Variants in VWA5B2 observed in about 807,000 individuals in gnomAD.
VWA5B2 encodes the protein von Willebrand factor A domain containing 5B2, also known as von Willebrand factor A domain-containing protein 5B2.
A neutral mutation model predicts 118.5 loss-of-function variants in VWA5B2; 93 were observed. That is an observed-to-expected ratio of 0.79 (90% CI 0.66 to 0.93). The LOEUF is 0.93. VWA5B2 is among the 40% of genes least tolerant of loss of function. The pLI is 0.00. For synonymous variants in VWA5B2, 708 were observed against 716.3 expected, an observed-to-expected ratio of 0.99 and a Z score of 0.19; for missense variants, 1,546 against 1,672.8, an observed-to-expected ratio of 0.92 and a Z score of 1.32.
In VWA5B2 at chr3:184,233,692, TCTC is replaced by T. The variant is rs2108420467; in HGVS notation, c.650_652del (p.Ser217del). On this transcript the variant is annotated inframe_deletion, in exon 5 of 20. Coordinates refer to ENST00000691901, the MANE Select transcript of VWA5B2 (RefSeq NM_001390846.1). The surrounding 1 kb of genome is among the most constrained non-coding windows in gnomAD (Gnocchi z 5.2). ...GCCCGCTGCCCTGCCCCATATACCT[TCTC>T]CTTCGAGATGCTGGTGACTGGGCCA... 1 of 1,551,120 alleles carries T rather than the reference TCTC, an allele frequency of 6.4e-7. No homozygotes were observed. The highest frequency in any genetic ancestry group is 1.2e-5 in the South Asian group (1 of 84,030).
chr3:184,230,584 G>A lies in VWA5B2; in HGVS notation c.56G>A (p.Trp19Ter). Residue 19 changes from tryptophan to a stop codon, truncating the protein, a stop_gained, in exon 2 of 20, where the codon TGG (tryptophan) becomes TAG (stop). Coordinates refer to ENST00000691901, the MANE Select transcript of VWA5B2 (RefSeq NM_001390846.1). LOFTEE classifies it high-confidence loss of function. The stretch of plus-strand genomic sequence containing the variant: ...ACGCCGCTGCCGCTCACGGACTCCT[G>A]GGTCCGGGCCTGCGCCAACGGCCCC... ...SWTPLPLTDS[W>*]VRACANGPCL... The A allele has an allele frequency of 1.4e-6, 2 of 1,477,412 alleles. No homozygotes were observed. The highest frequency in any genetic ancestry group is 1.8e-6 in the Non-Finnish European group (2 of 1,122,186). The allele number at this position is 1,477,412 out of a possible 1,614,324, so 91.5% of individuals were successfully genotyped here. A position where few individuals can be genotyped will look rare whatever the true frequency, so the allele number is the denominator to read the frequency against.
chr3:184,239,827 G>C lies in VWA5B2; in HGVS notation c.2531G>C (p.Arg844Pro). The change falls in exon 16 of 20, where the codon CGG (arginine) becomes CCG (proline). Residue 844 changes from arginine to proline, a missense_variant. Physicochemically the swap from Arg to Pro is moderately radical, Grantham distance 103. This residue lies in a region of VWA5B2 where 763 missense variants were observed against 766.6 expected (regional missense o/e 1.00). Transcript: ENST00000691901. The surrounding 1 kb of genome is among the most constrained non-coding windows in gnomAD (Gnocchi z 5.1). ...GCTCCACGCTGCCATGTGGTGATCCGGGGCCTGTGTGGGGAGCAGCCCATG... is the reference window on the plus strand; with the variant it reads ...GCTCCACGCTGCCATGTGGTGATCCCGGGCCTGTGTGGGGAGCAGCCCATG... ...PQAPRCHVVI[R>P]GLCGEQPMCW... 6.4e-7 allele frequency: 1 copy of C among 1,551,318 alleles called. No individual in the cohort carries two copies. Among genetic ancestry groups the C allele is most frequent in the Non-Finnish European group, 8.7e-7 (1 of 1,146,744 alleles).
Position 184,241,423 on chromosome 3 carries a change from GA to G in VWA5B2, c.3180+20del. 1 of 1,576,420 alleles carries G rather than the reference GA, an allele frequency of 6.3e-7. No homozygotes were observed. The highest frequency in any genetic ancestry group is 8.6e-7 in the Non-Finnish European group (1 of 1,160,040). Reference sequence around the variant, plus strand: ...GCCCTTGGTGAGGACTCGGGAGGTGGAGGGTGGTGCCGCCGGGGCCGGGCGC... The same window carrying G: ...GCCCTTGGTGAGGACTCGGGAGGTGGGGGTGGTGCCGCCGGGGCCGGGCGC... On this transcript the variant is annotated intron_variant, in intron 19 of 19. Transcript: ENST00000691901. This position sits in a 1 kb window ranked among gnomAD's most constrained non-coding sequence, Gnocchi z 5.1.
rs758247714 is a variant in VWA5B2 at position 184,239,595 on chromosome 3, A to C, written c.2392+12A>C. On this transcript the variant is annotated intron_variant, in intron 15 of 19. Transcript: ENST00000691901. The surrounding 1 kb of genome is among the most constrained non-coding windows in gnomAD (Gnocchi z 5.1). ...CCTGGATGACTCAGGTAAGTGTTGG[A>C]TGGGGAGCTGGTTTCCCTGACACCA... 3 of 1,501,474 alleles carry C rather than the reference A, an allele frequency of 2.0e-6. No individual in the cohort carries two copies. The highest frequency in any genetic ancestry group is 2.7e-6 in the Non-Finnish European group (3 of 1,116,484). 93.0% of individuals were successfully genotyped at this position (1,501,474 alleles called of 1,614,324 possible).
Position 184,242,238 on chromosome 3 carries a change from C to T in VWA5B2, c.*200C>T. Reference sequence around the variant, plus strand: ...TCTCCCTCTCCTCCCACCCCACTCACACTCCCCTCCATCCTCTGAGCTCCC... The same window carrying T: ...TCTCCCTCTCCTCCCACCCCACTCATACTCCCCTCCATCCTCTGAGCTCCC... On this transcript the variant is annotated 3_prime_UTR_variant, in exon 20 of 20. Coordinates refer to ENST00000691901, the MANE Select transcript of VWA5B2 (RefSeq NM_001390846.1). 1 of 750,074 alleles carries T rather than the reference C, an allele frequency of 1.3e-6. No individual in the cohort carries two copies. The highest frequency in any genetic ancestry group is 1.7e-5 in the South Asian group (1 of 57,830). The allele number at this position is 750,074 out of a possible 1,614,324, so 46.5% of individuals were successfully genotyped here. A position where few individuals can be genotyped will look rare whatever the true frequency, so the allele number is the denominator to read the frequency against.
In VWA5B2 at chr3:184,237,337, C is replaced by T. The variant is rs1373137505; in HGVS notation, c.1645C>T (p.Leu549Phe). Reference protein sequence around the residue: ...ALLTPREIPALYPGDQLLGYC... With the variant: ...ALLTPREIPAFYPGDQLLGYC... ...GCTGACCCCCCGGGAGATCCCAGCACTCTACCCTGGGGACCAGCTGCTCGG... is the reference window on the plus strand; with the variant it reads ...GCTGACCCCCCGGGAGATCCCAGCATTCTACCCTGGGGACCAGCTGCTCGG... Residue 549 changes from leucine (L) to phenylalanine (F), a missense_variant, in exon 12 of 20, where the codon CTC becomes TTC. Coordinates refer to ENST00000691901, the MANE Select transcript of VWA5B2 (RefSeq NM_001390846.1). This position sits in a 1 kb window ranked among gnomAD's most constrained non-coding sequence, Gnocchi z 5.6. 2 of 1,551,406 alleles carry T rather than the reference C, an allele frequency of 1.3e-6. No individual in the cohort carries two copies. The highest frequency in any genetic ancestry group is 2.0e-5 in the Admixed American group (1 of 50,992).
In VWA5B2 at chr3:184,242,152, A is replaced by T; in HGVS notation, c.*114A>T. 7.7e-7 allele frequency: 1 copy of T among 1,299,494 alleles called. No individual in the cohort carries two copies. The highest frequency in any genetic ancestry group is 1.0e-6 in the Non-Finnish European group (1 of 952,626). The allele number at this position is 1,299,494 out of a possible 1,614,324, so 80.5% of individuals were successfully genotyped here. Reference sequence around the variant, plus strand: ...GTAGGCTGGTGCCAGCCTGTCCCCCACTGCTTCTTACTCCCTCCCTAGAGC... The same window carrying T: ...GTAGGCTGGTGCCAGCCTGTCCCCCTCTGCTTCTTACTCCCTCCCTAGAGC... On this transcript the variant is annotated 3_prime_UTR_variant, in exon 20 of 20. Coordinates refer to ENST00000691901, the MANE Select transcript of VWA5B2 (RefSeq NM_001390846.1).
Position 184,238,946 on chromosome 3 carries a change from T to C in VWA5B2, c.2202+73T>C, listed in dbSNP as rs903294038. The C allele has an allele frequency of 5.1e-5, 70 of 1,378,368 alleles. No homozygotes were observed. The highest frequency in any genetic ancestry group is 7.7e-6 in the Non-Finnish European group (8 of 1,035,286). The allele number at this position is 1,378,368 out of a possible 1,614,324, so 85.4% of individuals were successfully genotyped here. On this transcript the variant is annotated intron_variant, in intron 14 of 19. Transcript: ENST00000691901. The surrounding 1 kb of genome is among the most constrained non-coding windows in gnomAD (Gnocchi z 5.0). ...TTTACCACCTGCTGTGCACCAGATA[T>C]TATGTAGAGTTTACTATTAAGTCTA...
chr3:184,231,866 C>T (rs1465378776), intron 3 of VWA5B2, among the ~76,000 whole-genome samples: 3 of 152,150 alleles, frequency 2.0e-5, no homozygotes, highest in African/African-American at 7.2e-5. Context: ...ACGTTAGGGG[C>T]TTGTGGTTAG....
At chr3:184,235,056 A>C in intron 7 of VWA5B2, 97 bp from the exon 8 acceptor site, 1 of 1,410,870 alleles carries the variant, frequency 7.1e-7, no homozygotes, top group Non-Finnish European at 9.6e-7. Flanking sequence ...CTCTGGGTGG[A>C]TCAGACAGAA....
At position 184,230,381 on chromosome 3, in the gene VWA5B2, A is replaced by C; in HGVS notation, c.-148A>C. 1.0e-6 allele frequency: 1 copy of C among 969,960 alleles called. No individual in the cohort carries two copies. The highest frequency in any genetic ancestry group is 1.4e-6 in the Non-Finnish European group (1 of 729,278). The allele number at this position is 969,960 out of a possible 1,614,324, so 60.1% of individuals were successfully genotyped here. ...TCCCCCGCCACCTGTCGCCCTCAGGAGCTCCCGCTCGGCCTCGCGCCCCGG... is the reference window on the plus strand; with the variant it reads ...TCCCCCGCCACCTGTCGCCCTCAGGCGCTCCCGCTCGGCCTCGCGCCCCGG... On this transcript the variant is annotated splice_region_variant and 5_prime_UTR_variant, in exon 2 of 20. Coordinates refer to ENST00000691901, the MANE Select transcript of VWA5B2 (RefSeq NM_001390846.1).
chr3:184,229,704 G>A lies in VWA5B2; in HGVS notation c.-159G>A, dbSNP rs1717174416. Among the ~76,000 whole-genome samples the A allele has an allele frequency of 6.6e-6, 1 of 152,126 alleles. No individual in the cohort carries two copies. The highest frequency in any genetic ancestry group is 2.4e-5 in the African/African-American group (1 of 41,440). On this transcript the variant is annotated 5_prime_UTR_variant, in exon 1 of 20. Transcript: ENST00000691901. ...CCGTGGGCACCTAGAACTCCGCGGA[G>A]GGCGCGACGGTGAGGCTGAGACTGC...
intron 6 of VWA5B2, 88 bp from the exon 7 acceptor site, chr3:184,234,543 C>A (rs865856952): frequency 5.7e-5 from 86 of 1,521,558 alleles, no homozygotes; most frequent in Middle Eastern, 1.8e-4. Context: ...GAAGGCTGGA[C>A]CTGCAGGCTC....
Position 184,239,547 on chromosome 3 carries a change from C to T in VWA5B2, c.2356C>T (p.Pro786Ser). The T allele has an allele frequency of 6.5e-7, 1 of 1,539,266 alleles. No homozygotes were observed. The highest frequency in any genetic ancestry group is 2.0e-5 in the Admixed American group (1 of 50,138). Residue 786 changes from proline to serine, a missense_variant, in exon 15 of 20, where the codon CCA (proline) becomes TCA (serine). This residue lies in a region of VWA5B2 where 763 missense variants were observed against 766.6 expected (regional missense o/e 1.00). Transcript: ENST00000691901. The surrounding 1 kb of genome is among the most constrained non-coding windows in gnomAD (Gnocchi z 5.1). The stretch of plus-strand genomic sequence containing the variant: ...AATACTAGATGGCCCAAGTCCTGAG[C>T]CAGGCCAACAGTTGGGACAAGGCCT... The part of the protein sequence containing the change: ...GAILDGPSPE[P>S]GQQLGQGLDD...
At chr3:184,234,444 A>T in intron 6 of VWA5B2, 47 bp downstream of exon 6, 1 of 1,546,820 alleles carries the variant, frequency 6.5e-7, no homozygotes, top group Non-Finnish European at 8.7e-7. Flanking sequence ...CTGCTTCTAC[A>T]TGAATGGGGG....
chr3:184,239,858 G>A lies in VWA5B2; in HGVS notation c.2562G>A (p.Trp854Ter). 1 of 1,551,682 alleles carries A rather than the reference G, an allele frequency of 6.4e-7. No homozygotes were observed. Among genetic ancestry groups the A allele is most frequent in the Admixed American group, 2.0e-5 (1 of 51,008 alleles). The change falls in exon 16 of 20, where the codon TGG becomes TGA. Residue 854 changes from tryptophan (W) to a stop codon, truncating the protein, a stop_gained. Coordinates refer to ENST00000691901, the MANE Select transcript of VWA5B2 (RefSeq NM_001390846.1). LOFTEE classifies it high-confidence loss of function. This position sits in a 1 kb window ranked among gnomAD's most constrained non-coding sequence, Gnocchi z 5.1. ...TGTGTGGGGAGCAGCCCATGTGCTG[G>A]GAGGTGGGTGTTGGGCTGGAGACAC... ...RGLCGEQPMC[W>*]EVGVGLETLW...
chr3:184,239,786 A>T lies in VWA5B2; in HGVS notation c.2490A>T (p.Pro830=). Residue 830 remains proline, a synonymous_variant, in exon 16 of 20, where the codon CCA becomes CCT. Transcript: ENST00000691901. This position sits in a 1 kb window ranked among gnomAD's most constrained non-coding sequence, Gnocchi z 5.1. ...CTCCTAGTGGGGAGTTGGCCCCTCC[A>T]GCAGTGCCTCCCCAGGCTCCACGCT... The part of the protein sequence containing the change: ...AVPPSGELAP[P]AVPPQAPRCH... The T allele has an allele frequency of 6.5e-7, 1 of 1,543,306 alleles. No homozygotes were observed. The highest frequency in any genetic ancestry group is 8.8e-7 in the Non-Finnish European group (1 of 1,141,302).
rs1231518012 is a variant in VWA5B2, at chr3:184,238,449, A to G, written c.1866A>G (p.Pro622=). The change falls in exon 13 of 20, where the codon CCA becomes CCG. Residue 622 remains proline, a synonymous_variant. Coordinates refer to ENST00000691901, the MANE Select transcript of VWA5B2 (RefSeq NM_001390846.1). This position sits in a 1 kb window ranked among gnomAD's most constrained non-coding sequence, Gnocchi z 5.0. ...TGTVSAELSS[P]WAARDSEQST... ...CTGTCTCAGCAGAACTGTCCAGCCC[A>G]TGGGCTGCCAGGGACTCGGAGCAGA... 4 of 1,546,634 alleles carry G rather than the reference A, an allele frequency of 2.6e-6. No individual in the cohort carries two copies. The African/African-American group carries it at 5.5e-5, about 21-fold the overall frequency.
In VWA5B2 at chr3:184,236,647, C is replaced by T. The variant is rs570055843; in HGVS notation, c.1431C>T (p.Ser477=). 59 of 1,551,140 alleles carry T rather than the reference C, an allele frequency of 3.8e-5. No individual in the cohort carries two copies. Among genetic ancestry groups the T allele is most frequent in the Non-Finnish European group, 5.0e-5 (57 of 1,146,682 alleles). The change falls in exon 11 of 20, where the codon TCC becomes TCT. Residue 477 remains serine (S), a synonymous_variant. Transcript: ENST00000691901. ...TCCTTTCCTTCATCAGATGCTTCTC[C>T]TTTGGGCTGGGGCCCACCTGCCACC... ...RWHRGTARCF[S]FGLGPTCHQL...
Sources: gnomAD v4.1 joint callset for allele counts (sites outside exome capture counted in the v4.1 genomes callset) on GRCh38, gnomAD v4.1.1 for gene constraint, gnomAD v4.1.1 regional missense constraint, Gnocchi (gnomAD v3.1) non-coding constraint, MANE v1.5 for transcripts, NCBI Gene and HGNC (gene_info 2026-07-23, HGNC 2026-07-21) for gene names.